The following SEC62 variants were observed in gnomAD, a reference collection of about 807,000 sequenced individuals.
SEC62 encodes SEC62 preprotein translocation factor.
In SEC62, 10 loss-of-function variants were observed where a neutral mutation model predicts 47.5. The ratio of observed to expected loss-of-function variants is 0.21; its 90% CI spans 0.13 to 0.36. SEC62 has a LOEUF of 0.36. SEC62 is among the 10% of genes least tolerant of loss of function. SEC62 has a pLI of 1.00. For missense variants in SEC62, 327 were observed against 464.1 expected (o/e 0.70, Z 2.71); for synonymous variants, 136 against 150.5 (o/e 0.90, Z 0.71).
rs780586958 is a variant in SEC62, at chr3:169,988,338, A to G, written c.709A>G (p.Ser237Gly). 4 of 1,613,590 alleles carry G rather than the reference A, an allele frequency of 2.5e-6. No homozygotes were observed. In the Admixed American group the frequency reaches 5.0e-5, roughly 20 times the overall value. ...TGTGGGTGCAGGCTGTTTTGTAGCCAGTATTCTTCTCCTTGCTGTTGGTAA... is the reference window on the plus strand; with the variant it reads ...TGTGGGTGCAGGCTGTTTTGTAGCCGGTATTCTTCTCCTTGCTGTTGGTAA... The part of the protein sequence containing the change: ...LSVGAGCFVA[S>G]ILLLAVARCI... Residue 237 changes from serine (S) to glycine (G), a missense_variant, in exon 7 of 8, where the codon AGT becomes GGT. Around this residue, in one of 3 missense-constraint regions of SEC62, gnomAD observed 99 missense variants for 194.0 expected, o/e 0.51. Coordinates refer to ENST00000337002, the MANE Select transcript of SEC62 (RefSeq NM_003262.4).
chr3:169,985,688 C>A, intron 5 of SEC62, 117 bp from the exon 6 acceptor site: 1 of 610,828 alleles, frequency 1.6e-6, no homozygotes, highest in Non-Finnish European at 2.7e-6. Flanking sequence ...TTAGAAATTA[C>A]TTCTCGTATG....
chr3:169,979,730 A>G (rs751943502), intron 3 of SEC62, among the ~76,000 whole-genome samples: 7 of 152,208 alleles, frequency 4.6e-5, no homozygotes, highest in African/African-American at 7.2e-5. Context: ...CTTTGTATCT[A>G]AAGTTCTACT....
At chr3:169,988,928 A>C (rs1254768322) in intron 7 of SEC62, among the ~76,000 whole-genome samples, 1 of 152,168 alleles carries the variant, frequency 6.6e-6, no homozygotes, top group Non-Finnish European at 1.5e-5. Flanking sequence ...ATCTATGCAT[A>C]TATTTAATAA....
intron 5 of SEC62, chr3:169,983,461 A>G: frequency 2.7e-6 from 1 of 375,952 alleles, no homozygotes; most frequent in Admixed American, 4.5e-5. Flanking sequence ...GAAACCTGAA[A>G]TAAAAGCATC....
At chr3:169,978,271 A>G (rs1464350834) in intron 3 of SEC62, among the ~76,000 whole-genome samples, 1 of 151,526 alleles carries the variant, frequency 6.6e-6, no homozygotes, top group Non-Finnish European at 1.5e-5. Flanking sequence ...AGAGTGAGAC[A>G]TTGTTGAGAC....
chr3:169,983,000 A>T, intron 4 of SEC62, 89 bp downstream of exon 4: 1 of 1,507,526 alleles, frequency 6.6e-7, no homozygotes, highest in Non-Finnish European at 8.9e-7. Context: ...AGTATTATGC[A>T]ACACCTACCT....
intron 5 of SEC62, 152 bp from the exon 6 acceptor site, chr3:169,985,653 G>A: frequency 2.0e-6 from 1 of 504,398 alleles, no homozygotes; most frequent in Non-Finnish European, 3.4e-6. Context: ...ACTACTGAAG[G>A]AAAGATCTTT....
intron 1 of SEC62, among the ~76,000 whole-genome samples, chr3:169,974,217 C>A (rs1358100576): frequency 6.6e-6 from 1 of 152,036 alleles, no homozygotes; most frequent in Non-Finnish European, 1.5e-5. Context: ...TCATTTTATT[C>A]TTTAATGAAG....
In SEC62 at chr3:169,994,057, T is replaced by C. The variant is rs1715314718; in HGVS notation, c.*994T>C. ...ACGCCTTAATGTTCATTTTGATTTA[T>C]TTTAAATCTTTACATTCAGAAATGA... is the stretch of plus-strand genomic sequence containing the variant. On this transcript the variant is annotated 3_prime_UTR_variant, in exon 8 of 8. Coordinates refer to ENST00000337002, the MANE Select transcript of SEC62 (RefSeq NM_003262.4). The C allele has an allele frequency of 6.6e-6, 1 of 152,604 alleles. No individual in the cohort carries two copies. The highest frequency in any genetic ancestry group is 2.1e-4 in the South Asian group (1 of 4,828). 9.5% of individuals were successfully genotyped at this position (152,604 alleles called of 1,614,324 possible).
intron 1 of SEC62, among the ~76,000 whole-genome samples, chr3:169,968,840 T>C (rs926714888): frequency 1.2e-4 from 19 of 152,212 alleles, no homozygotes; most frequent in African/African-American, 4.6e-4. Flanking sequence ...CTACTGGGCA[T>C]ACTGCAAAAT....
In SEC62 at chr3:169,994,565, A is replaced by T. The variant is rs999523758; in HGVS notation, c.*1502A>T. The T allele has an allele frequency of 6.6e-6, 1 of 152,440 alleles. No individual in the cohort carries two copies. Among genetic ancestry groups the T allele is most frequent in the Non-Finnish European group, 1.5e-5 (1 of 68,004 alleles). 9.4% of individuals were successfully genotyped at this position (152,440 alleles called of 1,614,324 possible). A position where few individuals can be genotyped will look rare whatever the true frequency, so the allele number is the denominator to read the frequency against. ...GTGGCTATTTGATGTTAATGCAACT[A>T]TGTCAAGGCTGCAATCACTTTAATA... On this transcript the variant is annotated 3_prime_UTR_variant, in exon 8 of 8. Transcript: ENST00000337002.
chr3:169,982,964 A>G, intron 4 of SEC62, 53 bp downstream of exon 4: 4 of 1,544,314 alleles, frequency 2.6e-6, no homozygotes, highest in South Asian at 2.6e-5. Flanking sequence ...GTGCACATGA[A>G]CACTACTGGC....
chr3:169,969,285 A>G (rs1363478696), intron 1 of SEC62: 1 of 456,022 alleles, frequency 2.2e-6, no homozygotes, highest in South Asian at 1.6e-5. Context: ...TTTGTAATTC[A>G]GTATAATTTC....
rs1168876137 is a variant in SEC62 at position 169,996,556 on chromosome 3, G to C, written c.*3493G>C. The stretch of plus-strand genomic sequence containing the variant: ...GCTCCACTCTGCTCTTGCCCACAAA[G>C]CTGACCCGAATGGACCACAGCAGTG... On this transcript the variant is annotated 3_prime_UTR_variant, in exon 8 of 8. Coordinates refer to ENST00000337002, the MANE Select transcript of SEC62 (RefSeq NM_003262.4). The C allele has an allele frequency of 6.6e-6, 1 of 152,502 alleles. No individual in the cohort carries two copies. Among genetic ancestry groups the C allele is most frequent in the Non-Finnish European group, 1.5e-5 (1 of 68,128 alleles). 9.4% of individuals were successfully genotyped at this position (152,502 alleles called of 1,614,324 possible). A position where few individuals can be genotyped will look rare whatever the true frequency, so the allele number is the denominator to read the frequency against.
intron 7 of SEC62, among the ~76,000 whole-genome samples, chr3:169,989,518 G>A (rs1715189709): frequency 6.6e-6 from 1 of 151,456 alleles, no homozygotes. Context: ...CCTGCATCAA[G>A]AAGGAAAAGT....
At chr3:169,973,146 G>A (rs1165038533) in intron 1 of SEC62, among the ~76,000 whole-genome samples, 1 of 152,188 alleles carries the variant, frequency 6.6e-6, no homozygotes, top group East Asian at 1.9e-4. Context: ...TCTGCGAAGT[G>A]TAGTGTATTT....
At position 169,993,185 on chromosome 3, in the gene SEC62, T is replaced by C. The variant is rs1715288908; in HGVS notation, c.*122T>C. 3 of 742,124 alleles carry C rather than the reference T, an allele frequency of 4.0e-6. No individual in the cohort carries two copies. The South Asian group carries it at 5.8e-5, about 14-fold the overall frequency. 46.0% of individuals were successfully genotyped at this position (742,124 alleles called of 1,614,324 possible). A position where few individuals can be genotyped will look rare whatever the true frequency, so the allele number is the denominator to read the frequency against. On this transcript the variant is annotated 3_prime_UTR_variant, in exon 8 of 8. Coordinates refer to ENST00000337002, the MANE Select transcript of SEC62 (RefSeq NM_003262.4). ...TTAAATCTATCTACTGAAATGTATT[T>C]GACATTCAAGCAGTTATATTCGGTC... is the stretch of plus-strand genomic sequence containing the variant.
At chr3:169,988,192 A>AT in intron 6 of SEC62, 48 bp from the exon 7 acceptor site, 25 of 1,606,796 alleles carry the variant, frequency 1.6e-5, no homozygotes, top group Non-Finnish European at 2.1e-5. Context: ...CAGCCATACC[A>AT]TTTAAGTTTT....
At chr3:169,991,440 G>T (rs963164236) in intron 7 of SEC62, among the ~76,000 whole-genome samples, 2 of 152,084 alleles carry the variant, frequency 1.3e-5, no homozygotes, top group African/African-American at 2.4e-5. Flanking sequence ...TAGAGAGAGA[G>T]AGATTAGATA....
Sources: allele counts gnomAD v4.1 joint callset (sites outside exome capture counted in the v4.1 genomes callset), GRCh38; gene constraint gnomAD v4.1.1; regional missense constraint gnomAD v4.1.1; transcripts MANE v1.5; gene names NCBI Gene and HGNC (gene_info 2026-07-23, HGNC 2026-07-21).